The following QTMAN variants were observed in gnomAD, a reference collection of about 807,000 sequenced individuals.
The protein encoded by QTMAN is tRNA-queuosine alpha-mannosyltransferase.
the QTMAN span, among the ~76,000 whole-genome samples, chr2:144,104,956 C>T: frequency 6.6e-6 from 1 of 152,304 alleles, no homozygotes; most frequent in African/African-American, 2.4e-5. Flanking sequence ...CAGCAATATT[C>T]GCTGCTCTGC....
the QTMAN span, among the ~76,000 whole-genome samples, chr2:144,150,853 C>T: frequency 1.8e-4 from 28 of 152,256 alleles, no homozygotes; most frequent in African/African-American, 6.5e-4. Context: ...GAGATAGCTA[C>T]TATTTGCATT....
the QTMAN span, chr2:144,178,971 CGA>C: frequency 1.5e-5 from 7 of 469,036 alleles, no homozygotes; most frequent in Non-Finnish European, 2.7e-5. Context: ...CTGGTAAAAA[CGA>C]GAGTTAGAGA....
At chr2:144,159,372 T>C in the QTMAN span, among the ~76,000 whole-genome samples, 1 of 152,062 alleles carries the variant, frequency 6.6e-6, no homozygotes. Context: ...GGGAGCCACT[T>C]TTCCTTCTTG....
At chr2:144,107,007 C>A in the QTMAN span, among the ~76,000 whole-genome samples, 4 of 152,198 alleles carry the variant, frequency 2.6e-5, no homozygotes. Flanking sequence ...TGAATGACTA[C>A]TGGGTACATA....
the QTMAN span, among the ~76,000 whole-genome samples, chr2:143,994,051 T>C: frequency 1.3e-4 from 20 of 152,332 alleles, no homozygotes; most frequent in African/African-American, 4.1e-4. Context: ...CTCCCCAACA[T>C]AGAGCCATTC....
At chr2:144,140,434 G>T in the QTMAN span, among the ~76,000 whole-genome samples, 9 of 151,670 alleles carry the variant, frequency 5.9e-5, no homozygotes, top group Non-Finnish European at 1.2e-4. Flanking sequence ...AACTTAAAAC[G>T]TCAAAATATA....
At chr2:144,070,311 T>C in the QTMAN span, among the ~76,000 whole-genome samples, 1 of 152,156 alleles carries the variant, frequency 6.6e-6, no homozygotes, top group Non-Finnish European at 1.5e-5. Flanking sequence ...AACCATTAAG[T>C]TCATCTCTCT....
the QTMAN span, among the ~76,000 whole-genome samples, chr2:144,162,942 G>T: frequency 6.6e-6 from 1 of 152,172 alleles, no homozygotes; most frequent in African/African-American, 2.4e-5. Context: ...AACAAAAAGA[G>T]GGTGAAGAGA....
the QTMAN span, among the ~76,000 whole-genome samples, chr2:144,286,636 T>C: frequency 6.6e-6 from 1 of 152,234 alleles, no homozygotes. Flanking sequence ...ATGGCATCTA[T>C]GTTTTGGTTT....
the QTMAN span, among the ~76,000 whole-genome samples, chr2:144,135,351 T>C: frequency 8.7e-4 from 133 of 152,224 alleles, no homozygotes; most frequent in East Asian, 0.021. Context: ...TTTCATGCTA[T>C]AAGCTAAGTT....
the QTMAN span, among the ~76,000 whole-genome samples, chr2:144,086,481 A>T: frequency 6.6e-6 from 1 of 152,126 alleles, no homozygotes; most frequent in African/African-American, 2.4e-5. Context: ...AATTCTCACA[A>T]TATGAGTATT....
chr2:144,088,260 C>G, the QTMAN span, among the ~76,000 whole-genome samples: 1 of 151,718 alleles, frequency 6.6e-6, no homozygotes, highest in South Asian at 2.1e-4. Flanking sequence ...AACTATTTGA[C>G]CAAGGAAGTG....
the QTMAN span, among the ~76,000 whole-genome samples, chr2:144,141,588 CAA>C: frequency 1.8e-4 from 15 of 81,648 alleles, no homozygotes; most frequent in Non-Finnish European, 2.4e-4. Context: ...ACTTCTGTAA[CAA>C]AAAAAAAAAA....
chr2:144,226,250 T>C, the QTMAN span, among the ~76,000 whole-genome samples: 2 of 152,196 alleles, frequency 1.3e-5, no homozygotes, highest in African/African-American at 4.8e-5. Context: ...CTACCCATGT[T>C]AGAAGCATTA....
the QTMAN span, among the ~76,000 whole-genome samples, chr2:144,244,662 AT>A: frequency 2.6e-5 from 4 of 152,114 alleles, no homozygotes; most frequent in African/African-American, 7.2e-5. Context: ...TTAAACAAGA[AT>A]TTTTTTTAAA....
At chr2:144,303,833 C>G in the QTMAN span, among the ~76,000 whole-genome samples, 3 of 152,148 alleles carry the variant, frequency 2.0e-5, no homozygotes, top group Non-Finnish European at 4.4e-5. Context: ...AAGGGAAACC[C>G]TATGATTGCA....
chr2:144,009,912 G>A, the QTMAN span, among the ~76,000 whole-genome samples: 3 of 151,804 alleles, frequency 2.0e-5, no homozygotes, highest in Non-Finnish European at 4.4e-5. Context: ...TAAAGAAATG[G>A]AACAAATGGT....
At chr2:144,253,028 G>C in the QTMAN span, among the ~76,000 whole-genome samples, 1 of 152,186 alleles carries the variant, frequency 6.6e-6, no homozygotes, top group African/African-American at 2.4e-5. Context: ...CCCACATGTT[G>C]TGGGAGGAGC....
At chr2:144,257,403 A>G in the QTMAN span, among the ~76,000 whole-genome samples, 4 of 149,194 alleles carry the variant, frequency 2.7e-5, no homozygotes, top group African/African-American at 7.4e-5. Flanking sequence ...AAGGAGAGAG[A>G]AAAAAAAAAC....
Sources: gnomAD v4.1 joint callset for allele counts (sites outside exome capture counted in the v4.1 genomes callset) on GRCh38, gnomAD v4.1.1 for gene constraint, MANE v1.5 for transcripts, NCBI Gene and HGNC (gene_info 2026-07-23, HGNC 2026-07-21) for gene names.